Variants in RFX2 observed in about 807,000 individuals in gnomAD.
RFX2 encodes the protein DNA-binding protein RFX2.
RFX2 carries 20 observed loss-of-function variants against 87.8 expected under a neutral mutation model. The ratio of observed to expected loss-of-function variants is 0.23; its 90% CI spans 0.16 to 0.33. RFX2 has a LOEUF of 0.33. Among genes scored for constraint, RFX2 ranks in the 10% least tolerant of loss-of-function variants. The pLI is 1.00. For missense variants in RFX2, 767 were observed against 1,012.3 expected (o/e 0.76, Z 3.29); for synonymous variants, 397 against 431.3 (o/e 0.92, Z 0.98).
chr19:6,007,102 G>C lies in RFX2; in HGVS notation c.1312C>G (p.Pro438Ala), dbSNP rs1367785409. Residue 438 changes from proline to alanine, a missense_variant, in exon 12 of 18, where the codon CCC becomes GCC. Physicochemically the swap from Pro to Ala is conservative, Grantham distance 27 (BLOSUM62 -1). Around this residue, in one of 2 missense-constraint regions of RFX2, gnomAD observed 621 missense variants for 873.0 expected, o/e 0.71. Coordinates refer to ENST00000303657, the MANE Select transcript of RFX2 (RefSeq NM_000635.4). The surrounding 1 kb of genome is among the most constrained non-coding windows in gnomAD (Gnocchi z 8.2). Reference sequence around the variant, plus strand: ...CAGCTCCTCATCCACCTGAGGATGGGGTCGCACTGACACAGGGAGATAAGC... The same window carrying C: ...CAGCTCCTCATCCACCTGAGGATGGCGTCGCACTGACACAGGGAGATAAGC... ...DKLISLCQCD[P>A]ILRWMRSCDH... The C allele has an allele frequency of 1.2e-6, 2 of 1,614,010 alleles. No individual in the cohort carries two copies. The highest frequency in any genetic ancestry group is 1.7e-6 in the Non-Finnish European group (2 of 1,180,008).
intron 1 of RFX2, among the ~76,000 whole-genome samples, chr19:6,098,497 T>C (rs2088061907): frequency 1.3e-5 from 2 of 152,222 alleles, no homozygotes; most frequent in South Asian, 2.1e-4. Context: ...AGTGTCTCTT[T>C]GGTGGTTTTA....
chr19:5,997,013 CA>C lies in RFX2; in HGVS notation c.2013+46del, dbSNP rs748810130. On this transcript the variant is annotated intron_variant, in intron 16 of 17. Coordinates refer to ENST00000303657, the MANE Select transcript of RFX2 (RefSeq NM_000635.4). This position sits in a 1 kb window ranked among gnomAD's most constrained non-coding sequence, Gnocchi z 4.2. ...TGCTCAGAGCACACCGCCCTCTCCCCACAGGCCCGGCCAAGCCCCGGCCGTC... is the reference window on the plus strand; with the variant it reads ...TGCTCAGAGCACACCGCCCTCTCCCCCAGGCCCGGCCAAGCCCCGGCCGTC... 10 of 1,571,998 alleles carry C rather than the reference CA, an allele frequency of 6.4e-6. No homozygotes were observed. Among genetic ancestry groups the C allele is most frequent in the Non-Finnish European group, 8.6e-6 (10 of 1,162,434 alleles).
Position 6,061,949 on chromosome 19 carries a change from C to A in RFX2, c.-8-14445G>T. On this transcript the variant is annotated intron_variant, in intron 1 of 17. Transcript: ENST00000303657. The surrounding 1 kb of genome is among the most constrained non-coding windows in gnomAD (Gnocchi z 5.2). ...TTGAACCCAGGAGTTCGAGACCAGCCTGGGCAACATAGCGAGGCCCCATCT... is the reference window on the plus strand; with the variant it reads ...TTGAACCCAGGAGTTCGAGACCAGCATGGGCAACATAGCGAGGCCCCATCT... Among the ~76,000 whole-genome samples the A allele has an allele frequency of 6.6e-6, 1 of 152,124 alleles. No homozygotes were observed. The highest frequency in any genetic ancestry group is 1.5e-5 in the Non-Finnish European group (1 of 68,022).
Position 6,002,045 on chromosome 19 carries a change from G to A in RFX2, c.1651-22C>T. 3 of 1,577,452 alleles carry A rather than the reference G, an allele frequency of 1.9e-6. No homozygotes were observed. The highest frequency in any genetic ancestry group is 2.3e-5 in the South Asian group (2 of 88,670). ...GCTCCTGTGGGCAGGGCAGAGGCCA[G>A]TGTCAGCAATGTGGACCCCCAGCCA... On this transcript the variant is annotated intron_variant, in intron 14 of 17. Transcript: ENST00000303657. This position sits in a 1 kb window ranked among gnomAD's most constrained non-coding sequence, Gnocchi z 6.7.
In RFX2 at chr19:6,007,748, G is replaced by A. The variant is rs2086602707; in HGVS notation, c.1189C>T (p.Leu397Phe). 2 of 1,556,436 alleles carry A rather than the reference G, an allele frequency of 1.3e-6. No homozygotes were observed. Among genetic ancestry groups the A allele is most frequent in the African/African-American group, 1.4e-5 (1 of 73,320 alleles). The change falls in exon 11 of 18, where the codon CTC becomes TTC. Residue 397 changes from leucine to phenylalanine, a missense_variant. Transcript: ENST00000303657. The surrounding 1 kb of genome is among the most constrained non-coding windows in gnomAD (Gnocchi z 8.2). ...GAGGCCTTAGAGTTCCAGAAGGAGA[G>A]CCACAGCTTCTCGATGTAGTGGAAC... The part of the protein sequence containing the change: ...LQFHYIEKLW[L>F]SFWNSKASSS...
intron 6 of RFX2, among the ~76,000 whole-genome samples, 188 bp downstream of exon 6, chr19:6,025,975 G>T (rs528920158): frequency 4.0e-5 from 6 of 151,698 alleles, no homozygotes; most frequent in Non-Finnish European, 7.4e-5. Flanking sequence ...AATAGAGACG[G>T]GGTTTCACCA....
chr19:6,051,951 C>G (rs560015518), intron 1 of RFX2, among the ~76,000 whole-genome samples: 46 of 152,148 alleles, frequency 3.0e-4, no homozygotes, highest in Non-Finnish European at 4.9e-4. Context: ...AGTCTCAGCT[C>G]ACTGCAAGCT....
rs534695895 is a variant in RFX2 at position 6,025,971 on chromosome 19, G to C, written c.597+192C>G. 9.2e-5 allele frequency among the ~76,000 whole-genome samples: 14 copies of C among 151,938 alleles called. No homozygotes were observed. In the East Asian group the frequency reaches 2.5e-3, roughly 27 times the overall value. ...CAGCTAATTTTTCTATTTTAATAGA[G>C]ACGGGGTTTCACCATGTTGGCCAGG... is the stretch of plus-strand genomic sequence containing the variant. On this transcript the variant is annotated intron_variant, in intron 6 of 17. Coordinates refer to ENST00000303657, the MANE Select transcript of RFX2 (RefSeq NM_000635.4).
Position 6,061,096 on chromosome 19 carries a change from C to A in RFX2, c.-8-13592G>T, listed in dbSNP as rs1418873534. Among the ~76,000 whole-genome samples the A allele has an allele frequency of 3.9e-5, 6 of 152,198 alleles. No homozygotes were observed. The highest frequency in any genetic ancestry group is 1.5e-5 in the Non-Finnish European group (1 of 68,028). On this transcript the variant is annotated intron_variant, in intron 1 of 17. Coordinates refer to ENST00000303657, the MANE Select transcript of RFX2 (RefSeq NM_000635.4). This position sits in a 1 kb window ranked among gnomAD's most constrained non-coding sequence, Gnocchi z 5.2. Reference sequence around the variant, plus strand: ...GGGACACGTGTCGCTGGTGACTCAGCCTGCTGTCTCCACCTGATACCATCT... The same window carrying A: ...GGGACACGTGTCGCTGGTGACTCAGACTGCTGTCTCCACCTGATACCATCT...
At chr19:6,009,279 G>A (rs1328998000) in intron 9 of RFX2, among the ~76,000 whole-genome samples, 3 of 152,214 alleles carry the variant, frequency 2.0e-5, no homozygotes, top group Non-Finnish European at 4.4e-5. Flanking sequence ...AAGCCACTGA[G>A]TGTGTACAGA....
At position 6,047,363 on chromosome 19, in the gene RFX2, TCCACACTGTGGC is replaced by T; in HGVS notation, c.90+32_90+43del. On this transcript the variant is annotated intron_variant, in intron 2 of 17. Coordinates refer to ENST00000303657, the MANE Select transcript of RFX2 (RefSeq NM_000635.4). The surrounding 1 kb of genome is among the most constrained non-coding windows in gnomAD (Gnocchi z 4.2). ...AGCTTTCAAACCCATAGAGATCGCG[TCCACACTGTGGC>T]CACCCTGTTGTTGCTGAGAGGCGCG... 6.6e-7 allele frequency: 1 copy of T among 1,504,356 alleles called. No homozygotes were observed. The highest frequency in any genetic ancestry group is 1.2e-5 in the South Asian group (1 of 84,250). 93.2% of individuals were successfully genotyped at this position (1,504,356 alleles called of 1,614,324 possible).
chr19:6,025,093 G>A (rs1363681542), intron 6 of RFX2, among the ~76,000 whole-genome samples: 3 of 152,220 alleles, frequency 2.0e-5, no homozygotes, highest in East Asian at 1.9e-4. Context: ...TTCTGACTTC[G>A]ATGGCCCGTC....
At position 6,007,653 on chromosome 19, in the gene RFX2, G is replaced by A. The variant is rs1354957163; in HGVS notation, c.1247+37C>T. ...TGGACGTCAGCAGGGGGTTAAGTCT[G>A]GGGTGGCTGTGAACCCAGCCAGGGT... On this transcript the variant is annotated intron_variant, in intron 11 of 17. Transcript: ENST00000303657. This position sits in a 1 kb window ranked among gnomAD's most constrained non-coding sequence, Gnocchi z 8.2. 3.1e-6 allele frequency: 4 copies of A among 1,272,782 alleles called. No individual in the cohort carries two copies. The South Asian group carries it at 5.1e-5, about 16-fold the overall frequency. The allele number at this position is 1,272,782 out of a possible 1,614,324, so 78.8% of individuals were successfully genotyped here.
intron 1 of RFX2, among the ~76,000 whole-genome samples, chr19:6,058,508 T>C (rs1029705392): frequency 3.3e-5 from 5 of 151,788 alleles, no homozygotes; most frequent in Middle Eastern, 3.4e-3. Flanking sequence ...ACCCACACAT[T>C]CCAGAGCAGC....
intron 16 of RFX2, 38 bp from the exon 17 acceptor site, chr19:5,995,681 G>A (rs1345334182): frequency 6.5e-7 from 1 of 1,546,552 alleles, no homozygotes; most frequent in Non-Finnish European, 8.8e-7. Context: ...GCCTGCAGAG[G>A]GGCGGCAGTT....
chr19:6,082,004 C>T (rs949705859), intron 1 of RFX2, among the ~76,000 whole-genome samples: 13 of 152,048 alleles, frequency 8.5e-5, no homozygotes, highest in Non-Finnish European at 1.3e-4. Context: ...AGGAGAATGG[C>T]GTGAACCTGG....
Position 6,064,402 on chromosome 19 carries a change from G to A in RFX2, c.-8-16898C>T, listed in dbSNP as rs1303494787. On this transcript the variant is annotated intron_variant, in intron 1 of 17. Transcript: ENST00000303657. The surrounding 1 kb of genome is among the most constrained non-coding windows in gnomAD (Gnocchi z 4.8). The stretch of plus-strand genomic sequence containing the variant: ...CAGTGCAGCTGCTGATGGTCAAGAT[G>A]AAGATGGGGAATGTGCCAGTGAAAA... 6.6e-6 allele frequency among the ~76,000 whole-genome samples: 1 copy of A among 152,232 alleles called. No homozygotes were observed. The highest frequency in any genetic ancestry group is 1.5e-5 in the Non-Finnish European group (1 of 68,034).
At chr19:6,073,953 G>A (rs2087645540) in intron 1 of RFX2, among the ~76,000 whole-genome samples, 1 of 152,156 alleles carries the variant, frequency 6.6e-6, no homozygotes, top group African/African-American at 2.4e-5. Flanking sequence ...CAAGTGGAAA[G>A]TGTGTGTCTC....
intron 1 of RFX2, among the ~76,000 whole-genome samples, chr19:6,105,116 CACAA>C (rs2088193784): frequency 8.9e-6 from 1 of 111,758 alleles, no homozygotes; most frequent in Non-Finnish European, 1.7e-5. Context: ...GACTCCGTCT[CACAA>C]AAAAAAAAAA....
Sources: gnomAD v4.1 joint callset for allele counts (sites outside exome capture counted in the v4.1 genomes callset) on GRCh38, gnomAD v4.1.1 for gene constraint, gnomAD v4.1.1 regional missense constraint, Gnocchi (gnomAD v3.1) non-coding constraint, MANE v1.5 for transcripts, NCBI Gene and HGNC (gene_info 2026-07-23, HGNC 2026-07-21) for gene names.